SDHAF3: variants seen among roughly 807,000 people sequenced by gnomAD.
SDHAF3 encodes succinate dehydrogenase assembly factor 3, mitochondrial.
A neutral mutation model predicts 11.5 loss-of-function variants in SDHAF3; 18 were observed. The ratio of observed to expected loss-of-function variants is 1.56; its 90% CI spans 1.08 to 2.32. The LOEUF is 2.32. SDHAF3 is among the 30% of genes most tolerant of loss of function. SDHAF3 has a pLI of 0.00. For synonymous variants in SDHAF3, 72 were observed against 59.3 expected, an observed-to-expected ratio of 1.21 and a Z score of -0.99; for missense variants, 200 against 154.4, an observed-to-expected ratio of 1.30 and a Z score of -1.57.
At chr7:97,164,071 A>G (rs2115723995) in intron 1 of SDHAF3, among the ~76,000 whole-genome samples, 1 of 151,838 alleles carries the variant, frequency 6.6e-6, no homozygotes, top group Non-Finnish European at 1.5e-5. Flanking sequence ...CAGCCTCCCA[A>G]GTAGCTGGGA....
intron 1 of SDHAF3, among the ~76,000 whole-genome samples, chr7:97,127,249 A>G (rs1216217515): frequency 6.6e-6 from 1 of 152,250 alleles, no homozygotes; most frequent in African/African-American, 2.4e-5. Context: ...CTATTTGGCT[A>G]TCTTGCCAGA....
chr7:97,150,285 C>T (rs1036930596), intron 1 of SDHAF3, among the ~76,000 whole-genome samples: 1 of 152,184 alleles, frequency 6.6e-6, no homozygotes. Context: ...TGCTGTTAAT[C>T]GCATCTAGAA....
At chr7:97,133,286 T>G (rs1425528941) in intron 1 of SDHAF3, among the ~76,000 whole-genome samples, 1 of 152,226 alleles carries the variant, frequency 6.6e-6, no homozygotes, top group Non-Finnish European at 1.5e-5. Flanking sequence ...AGATAAGTTC[T>G]GAAAGAGCTT....
chr7:97,164,402 G>T lies in SDHAF3; in HGVS notation c.175-16610G>T, dbSNP rs34843626. Reference sequence around the variant, plus strand: ...TAGTTCTTTTTTTTTTTTTTTTTCAGACAGAGTTTCACTCTTGTTGCCCAG... The same window carrying T: ...TAGTTCTTTTTTTTTTTTTTTTTCATACAGAGTTTCACTCTTGTTGCCCAG... On this transcript the variant is annotated intron_variant, in intron 1 of 1. Transcript: ENST00000432641. Among the ~76,000 whole-genome samples, 6 of 129,778 alleles carry T rather than the reference G, an allele frequency of 4.6e-5. No individual in the cohort carries two copies. The East Asian group carries it at 1.6e-3, about 34-fold the overall frequency. 85.1% of individuals were successfully genotyped at this position (129,778 alleles called of 152,430 possible). A position where few individuals can be genotyped will look rare whatever the true frequency, so the allele number is the denominator to read the frequency against.
At chr7:97,164,814 G>A (rs1789475952) in intron 1 of SDHAF3, among the ~76,000 whole-genome samples, 1 of 152,138 alleles carries the variant, frequency 6.6e-6, no homozygotes, top group Admixed American at 6.5e-5. Context: ...ATGGAGGGAT[G>A]ATAGACTAAC....
intron 1 of SDHAF3, among the ~76,000 whole-genome samples, chr7:97,165,249 T>C (rs1320669284): frequency 1.3e-5 from 2 of 151,916 alleles, no homozygotes; most frequent in South Asian, 2.1e-4. Context: ...ATCGTGCCAC[T>C]GCACTCCAGT....
intron 1 of SDHAF3, among the ~76,000 whole-genome samples, chr7:97,153,899 C>T (rs572205111): frequency 1.2e-4 from 18 of 152,240 alleles, no homozygotes; most frequent in South Asian, 8.3e-4. Context: ...AGTGATATCT[C>T]GTGTTTTAAT....
intron 1 of SDHAF3, among the ~76,000 whole-genome samples, chr7:97,152,881 G>C (rs1481328555): frequency 6.6e-6 from 1 of 152,124 alleles, no homozygotes; most frequent in Admixed American, 6.5e-5. Flanking sequence ...TTGAACTCCT[G>C]ACCTCAAGCA....
intron 1 of SDHAF3, chr7:97,135,196 T>C (rs1476762667): frequency 1.3e-5 from 2 of 152,278 alleles, no homozygotes; most frequent in East Asian, 3.9e-4. Context: ...CTTTTTGTTA[T>C]CAGTAAGGGT....
intron 1 of SDHAF3, among the ~76,000 whole-genome samples, chr7:97,138,514 G>A (rs1417200157): frequency 6.6e-6 from 1 of 152,100 alleles, no homozygotes; most frequent in African/African-American, 2.4e-5. Context: ...TAAAAAATAT[G>A]TATACCCATA....
chr7:97,121,865 T>TTG (rs1554349947), intron 1 of SDHAF3, among the ~76,000 whole-genome samples: 3 of 136,632 alleles, frequency 2.2e-5, no homozygotes, highest in African/African-American at 8.6e-5. Context: ...TTTTTTTTTT[T>TTG]TTTGTTTTTG....
At chr7:97,135,664 GTGTGTATATA>G (rs1791750365) in intron 1 of SDHAF3, 1 of 86,846 alleles carries the variant, frequency 1.2e-5, no homozygotes, top group Non-Finnish European at 2.0e-5. Context: ...GTGTGTGTGT[GTGTGTATATA>G]TATATATATT....
intron 1 of SDHAF3, among the ~76,000 whole-genome samples, chr7:97,123,960 T>G (rs1053434823): frequency 6.6e-6 from 1 of 152,140 alleles, no homozygotes; most frequent in Non-Finnish European, 1.5e-5. Context: ...CTGTTCACTC[T>G]GATGGTAGTT....
chr7:97,157,285 C>G (rs1006792690), intron 1 of SDHAF3, among the ~76,000 whole-genome samples: 3 of 152,108 alleles, frequency 2.0e-5, no homozygotes, highest in African/African-American at 4.8e-5. Flanking sequence ...ACTTCTGTAC[C>G]TGGTATCCTT....
intron 1 of SDHAF3, among the ~76,000 whole-genome samples, chr7:97,153,740 A>T (rs760558929): frequency 1.8e-4 from 28 of 152,186 alleles, no homozygotes; most frequent in Non-Finnish European, 3.2e-4. Flanking sequence ...CCAGCAGTGA[A>T]TGAGAGTTTC....
intron 1 of SDHAF3, among the ~76,000 whole-genome samples, chr7:97,137,854 C>G (rs573201822): frequency 1.3e-5 from 2 of 149,000 alleles, no homozygotes; most frequent in East Asian, 2.0e-4. Context: ...CTTCATATGC[C>G]CTCATTCCAT....
chr7:97,139,295 GAA>G (rs1438506032), intron 1 of SDHAF3, among the ~76,000 whole-genome samples: 1 of 152,184 alleles, frequency 6.6e-6, no homozygotes, highest in Non-Finnish European at 1.5e-5. Flanking sequence ...TCCCCCACCT[GAA>G]GGTGGGTAGT....
intron 1 of SDHAF3, among the ~76,000 whole-genome samples, chr7:97,131,141 AT>A (rs962944654): frequency 2.2e-4 from 33 of 152,356 alleles, no homozygotes; most frequent in African/African-American, 7.0e-4. Context: ...AAGATTTAAA[AT>A]TAGTGTTTCC....
At chr7:97,178,564 G>T (rs905354116) in intron 1 of SDHAF3, among the ~76,000 whole-genome samples, 2 of 152,120 alleles carry the variant, frequency 1.3e-5, no homozygotes, top group Non-Finnish European at 2.9e-5. Flanking sequence ...AGACATCTTA[G>T]GGTGAAGTGG....
Sources: gnomAD v4.1 joint callset for allele counts (sites outside exome capture counted in the v4.1 genomes callset) on GRCh38, gnomAD v4.1.1 for gene constraint, MANE v1.5 for transcripts, NCBI Gene and HGNC (gene_info 2026-07-23, HGNC 2026-07-21) for gene names.